Variants in RDX observed in about 807,000 individuals in gnomAD.
RDX encodes radixin, also known as deafness, autosomal recessive 24.
Under a neutral mutation model 83.7 loss-of-function variants are expected in RDX, and 32 were observed. The ratio of observed to expected loss-of-function variants is 0.38; its 90% confidence interval spans 0.29 to 0.51. The LOEUF (loss-of-function observed/expected upper bound fraction) is 0.51, where lower values mean the gene tolerates loss of function less well. Ranked by LOEUF, RDX falls within the 20% of genes least tolerant of loss-of-function variation. The probability of loss-of-function intolerance (pLI) is 0.87; values close to 1 mark genes in which losing one functional copy is unlikely to be tolerated. For missense variants in RDX, 600 were observed against 689.9 expected (o/e 0.87, Z 1.46); for synonymous variants, 229 against 222.7 (o/e 1.03, Z -0.25).
chr11:110,184,171 T>G (rs371971124), intron 15 of RDX, among the ~76,000 whole-genome samples: 8 of 152,204 alleles, frequency 5.3e-5, no homozygotes, highest in African/African-American at 1.7e-4. Flanking sequence ...GAGACGGAGC[T>G]GATCTGAGCA....
In RDX at chr11:110,257,929, T is replaced by A; in HGVS notation, c.552-16A>T. Reference sequence around the variant, plus strand: ...AGAATCCTCCCTGTTGAAATAAAACTAAATGTAATATATTTAAGTAGGAGC... The same window carrying A: ...AGAATCCTCCCTGTTGAAATAAAACAAAATGTAATATATTTAAGTAGGAGC... On this transcript the variant is annotated splice_polypyrimidine_tract_variant and intron_variant, in intron 6 of 13. Coordinates refer to ENST00000645495, the MANE Select transcript of RDX (RefSeq NM_002906.4). 3 of 1,608,096 alleles carry A rather than the reference T, an allele frequency of 1.9e-6. No homozygotes were observed. In the South Asian group the frequency reaches 3.3e-5, roughly 18 times the overall value.
rs7947711 is a variant in RDX, at chr11:110,191,925, T to C, written c.*31+7656A>G. On this transcript the variant is annotated intron_variant, in intron 15 of 15. Coordinates refer to the RDX transcript ENST00000528498. ...GCGAAAAACATTCCATGCTTATGGA[T>C]AGGAAGAATCAATATTATTAAAATG... Among the ~76,000 whole-genome samples the C allele has an allele frequency of 9.5e-3, 1,445 of 152,212 alleles. 30 individuals carry two copies. Among genetic ancestry groups the C allele is most frequent in the African/African-American group, 0.033 (1,364 of 41,510 alleles).
intron 14 of RDX, among the ~76,000 whole-genome samples, chr11:110,200,598 T>C (rs1052978983): frequency 6.6e-6 from 1 of 152,204 alleles, no homozygotes; most frequent in Non-Finnish European, 1.5e-5. Context: ...CTGTTTCCCA[T>C]GGAAACCACG....
At chr11:110,264,638 TAA>T in intron 4 of RDX, 139 bp downstream of exon 4, 1 of 599,266 alleles carries the variant, frequency 1.7e-6, no homozygotes, top group Non-Finnish European at 2.9e-6. Flanking sequence ...TGATTGAATT[TAA>T]AAAAACATGG....
chr11:110,225,044 G>C (rs1864386779), downstream of RDX, among the ~76,000 whole-genome samples: 1 of 152,110 alleles, frequency 6.6e-6, no homozygotes, highest in African/African-American at 2.4e-5. Context: ...AACCACTCCA[G>C]CTTTATCATC....
In RDX at chr11:110,257,738, CT is replaced by C. The variant is rs751085027; in HGVS notation, c.698+28del. ...CGTCATTTAGACCACTGAACAATGA[CT>C]AGTTCACTATGCAACTAATTTACTT... On this transcript the variant is annotated intron_variant, in intron 7 of 13. Transcript: ENST00000645495. 7 of 1,605,736 alleles carry C rather than the reference CT, an allele frequency of 4.4e-6. No homozygotes were observed. In the East Asian group the frequency reaches 1.6e-4, roughly 36 times the overall value.
chr11:110,178,473 C>T (rs1282046845), intron 15 of RDX, among the ~76,000 whole-genome samples: 2 of 152,206 alleles, frequency 1.3e-5, no homozygotes, highest in East Asian at 3.9e-4. Context: ...GTGGCTATTA[C>T]ATCAGTTGGC....
chr11:110,211,445 G>T (rs4375412), intron 14 of RDX, among the ~76,000 whole-genome samples: 3 of 149,270 alleles, frequency 2.0e-5, no homozygotes, highest in Admixed American at 1.3e-4. Context: ...AGTCAACAAG[G>T]ATACCCAGGA....
At chr11:110,263,746 T>C (rs967434394) in intron 5 of RDX, among the ~76,000 whole-genome samples, 13 of 151,200 alleles carry the variant, frequency 8.6e-5, no homozygotes, top group Admixed American at 3.3e-4. Context: ...CATGTGCCTA[T>C]AGACCCAGCT....
intron 15 of RDX, among the ~76,000 whole-genome samples, chr11:110,196,793 A>T (rs114527530): frequency 9.3e-4 from 142 of 152,190 alleles, no homozygotes; most frequent in African/African-American, 3.2e-3. Flanking sequence ...CTCTAAATAC[A>T]CCAGACTGTG....
At chr11:110,260,160 A>G (rs1403114110) in intron 5 of RDX, among the ~76,000 whole-genome samples, 1 of 151,498 alleles carries the variant, frequency 6.6e-6, no homozygotes, top group Non-Finnish European at 1.5e-5. Context: ...CTAATTTTGT[A>G]TTTTTAGTAG....
In RDX at chr11:110,295,905, T is replaced by C. The variant is rs1249843707; in HGVS notation, c.-65+562A>G. 2.0e-5 allele frequency among the ~76,000 whole-genome samples: 3 copies of C among 152,144 alleles called. No individual in the cohort carries two copies. The East Asian group carries it at 5.8e-4, about 29-fold the overall frequency. On this transcript the variant is annotated intron_variant, in intron 1 of 13. Transcript: ENST00000645495. ...CGGGAGCGACTGGCGCCCCAAAGCCTGTCATGCAACATCCCCTTTGCCACT... is the reference window on the plus strand; with the variant it reads ...CGGGAGCGACTGGCGCCCCAAAGCCCGTCATGCAACATCCCCTTTGCCACT...
chr11:110,284,630 C>T (rs1180670503), intron 1 of RDX, among the ~76,000 whole-genome samples: 3 of 152,004 alleles, frequency 2.0e-5, no homozygotes, highest in Non-Finnish European at 4.4e-5. Context: ...ACACCATTCT[C>T]CTGCCTCAGC....
At chr11:110,182,438 T>C (rs1478084909) in intron 15 of RDX, among the ~76,000 whole-genome samples, 1 of 152,094 alleles carries the variant, frequency 6.6e-6, no homozygotes, top group Non-Finnish European at 1.5e-5. Flanking sequence ...CCGTCTCTAC[T>C]GAAAATACAA....
Position 110,264,811 on chromosome 11 carries a change from C to G in RDX, c.160G>C (p.Gly54Arg). Reference protein sequence around the residue: ...FFGLQYVDSKGYSTWLKLNKK... With the variant: ...FFGLQYVDSKRYSTWLKLNKK... ...TTTAGTTTAAGCCATGTAGAATAAC[C>G]TTTGCTGTCTACATACTGCAGCCCA... The change falls in exon 4 of 14, where the codon GGT (glycine) becomes CGT (arginine). Residue 54 changes from glycine (G) to arginine (R), a missense_variant. Transcript: ENST00000645495. The G allele has an allele frequency of 1.2e-6, 2 of 1,613,618 alleles. No individual in the cohort carries two copies. Among genetic ancestry groups the G allele is most frequent in the Non-Finnish European group, 8.5e-7 (1 of 1,179,752 alleles).
At chr11:110,246,954 G>C (rs970913451) in intron 10 of RDX, among the ~76,000 whole-genome samples, 1 of 152,176 alleles carries the variant, frequency 6.6e-6, no homozygotes, top group Non-Finnish European at 1.5e-5. Context: ...CTTTTATAAA[G>C]AGTGTAGACT....
At chr11:110,255,252 A>G (rs192194881) in intron 8 of RDX, 37 bp downstream of exon 8, 1 of 1,073,922 alleles carries the variant, frequency 9.3e-7, no homozygotes, top group East Asian at 2.4e-5. Flanking sequence ...GCAGATATTA[A>G]ACAGTTAATA....
At position 110,264,813 on chromosome 11, in the gene RDX, T is replaced by G; in HGVS notation, c.158A>C (p.Lys53Thr). The change falls in exon 4 of 14, where the codon AAA becomes ACA. Residue 53 changes from lysine (K) to threonine (T), a missense_variant. Transcript: ENST00000645495. ...TAGTTTAAGCCATGTAGAATAACCT[T>G]TGCTGTCTACATACTGCAGCCCAAA... ...WFFGLQYVDS[K>T]GYSTWLKLNK... The G allele has an allele frequency of 6.2e-7, 1 of 1,613,762 alleles. No individual in the cohort carries two copies. The highest frequency in any genetic ancestry group is 8.5e-7 in the Non-Finnish European group (1 of 1,179,792).
In RDX at chr11:110,209,514, G is replaced by T. The variant is rs548652835; in HGVS notation, c.1749-9836C>A. Among the ~76,000 whole-genome samples the T allele has an allele frequency of 5.0e-4, 76 of 152,362 alleles. 1 individual carries two copies. Among genetic ancestry groups the T allele is most frequent in the African/African-American group, 1.7e-3 (70 of 41,586 alleles). On this transcript the variant is annotated intron_variant, in intron 14 of 15. Transcript: ENST00000528498. ...AGCTCAAGGAGGACTGCCTGCCTCT[G>T]TAGGCAGCACCCTGGGGGCAGGGCA...
Sources: gnomAD v4.1 joint callset for allele counts (sites outside exome capture counted in the v4.1 genomes callset) on GRCh38, gnomAD v4.1.1 for gene constraint, MANE v1.5 for transcripts, NCBI Gene and HGNC (gene_info 2026-07-23, HGNC 2026-07-21) for gene names.